The following AKAP13 variants were observed in gnomAD, a reference collection of about 807,000 sequenced individuals.
AKAP13 encodes the protein A-kinase anchoring protein 13.
In AKAP13, 80 loss-of-function variants were observed where a neutral mutation model predicts 264.5. The observed-to-expected ratio is 0.30, with a 90% CI of 0.25 to 0.36. The LOEUF is 0.36. AKAP13 is among the 10% of genes least tolerant of loss of function. The pLI is 1.00. For missense variants in AKAP13, 3,712 were observed against 3,435.2 expected (o/e 1.08, Z -2.01); for synonymous variants, 1,380 against 1,250.2 (o/e 1.10, Z -2.19).
At position 85,442,495 on chromosome 15, in the gene AKAP13, ATATTATATTATATATAAT is replaced by A. The variant is rs1567059623; in HGVS notation, c.-11-43214_-11-43197del. On this transcript the variant is annotated intron_variant, in intron 1 of 36. Transcript: ENST00000394518. Reference sequence around the variant, plus strand: ...ATATATTATATAATATATATAATATATATTATATTATATATAATATATATTATATTATATATAATATAT... The same window carrying A: ...ATATATTATATAATATATATAATATAATATATTATATTATATATAATATAT... 2.6e-3 allele frequency among the ~76,000 whole-genome samples: 277 copies of A among 107,892 alleles called. 3 individuals carry two copies. Among genetic ancestry groups the A allele is most frequent in the South Asian group, 0.023 (91 of 3,894 alleles). 70.8% of individuals were successfully genotyped at this position (107,892 alleles called of 152,430 possible).
intron 1 of AKAP13, among the ~76,000 whole-genome samples, chr15:85,478,458 AT>A (rs1231680054): frequency 2.0e-5 from 3 of 151,906 alleles, no homozygotes; most frequent in Admixed American, 6.6e-5. Context: ...AAGAGTTCTG[AT>A]TTTTTTTCCA....
At chr15:85,670,092 A>G (rs1026843898) in intron 14 of AKAP13, among the ~76,000 whole-genome samples, 8 of 152,150 alleles carry the variant, frequency 5.3e-5, no homozygotes, top group East Asian at 3.8e-4. Context: ...AAATTTTTTT[A>G]TTTTGAAATA....
intron 1 of AKAP13, among the ~76,000 whole-genome samples, chr15:85,413,107 C>G (rs778364799): frequency 1.3e-5 from 2 of 152,192 alleles, no homozygotes; most frequent in Non-Finnish European, 2.9e-5. Context: ...GCACTGTGTC[C>G]GCACTGCTAA....
At chr15:85,683,008 T>G (rs1158223507) in intron 15 of AKAP13, among the ~76,000 whole-genome samples, 1 of 152,218 alleles carries the variant, frequency 6.6e-6, no homozygotes, top group Non-Finnish European at 1.5e-5. Context: ...ATTATTTTTA[T>G]TTAGGTTTTC....
intron 5 of AKAP13, among the ~76,000 whole-genome samples, chr15:85,552,617 G>GT (rs2077996108): frequency 7.4e-6 from 1 of 134,354 alleles, no homozygotes; most frequent in Admixed American, 8.2e-5. Flanking sequence ...ATTTATCATC[G>GT]TTTTTTTGGC....
chr15:85,549,176 G>T (rs1199090939), intron 5 of AKAP13, among the ~76,000 whole-genome samples: 1 of 152,084 alleles, frequency 6.6e-6, no homozygotes, highest in Non-Finnish European at 1.5e-5. Context: ...ATGTAGGTTG[G>T]AAATTATTCC....
intron 29 of AKAP13, among the ~76,000 whole-genome samples, chr15:85,728,878 ATAGT>A (rs767778036): frequency 2.6e-5 from 4 of 151,922 alleles, no homozygotes; most frequent in African/African-American, 4.8e-5. Flanking sequence ...CATGTTGAAG[ATAGT>A]TAGGAGAGTT....
At chr15:85,650,945 G>A (rs568662512) in intron 10 of AKAP13, among the ~76,000 whole-genome samples, 2 of 151,962 alleles carry the variant, frequency 1.3e-5, no homozygotes, top group African/African-American at 4.8e-5. Flanking sequence ...TAAAATGTGA[G>A]CCATTATTTT....
chr15:85,737,748 C>T (rs1371270682), intron 33 of AKAP13, among the ~76,000 whole-genome samples: 3 of 152,114 alleles, frequency 2.0e-5, no homozygotes, highest in Non-Finnish European at 2.9e-5. Context: ...AGCAATTCTC[C>T]TGCCTCGGCC....
chr15:85,392,822 G>C (rs894568452), intron 1 of AKAP13, among the ~76,000 whole-genome samples: 1 of 152,184 alleles, frequency 6.6e-6, no homozygotes, highest in South Asian at 2.1e-4. Flanking sequence ...GTTGCACTGT[G>C]GTGGGCAGAT....
intron 2 of AKAP13, among the ~76,000 whole-genome samples, chr15:85,495,364 A>G (rs1183178240): frequency 6.6e-6 from 1 of 152,218 alleles, no homozygotes; most frequent in Non-Finnish European, 1.5e-5. Flanking sequence ...CTGGCTCTAC[A>G]GAACACTGAC....
chr15:85,416,121 G>T (rs1422916704), intron 1 of AKAP13, among the ~76,000 whole-genome samples: 1 of 152,300 alleles, frequency 6.6e-6, no homozygotes, highest in African/African-American at 2.4e-5. Flanking sequence ...AAAATTTTGA[G>T]AGCATTAAAG....
At chr15:85,429,279 A>G (rs546339154) in intron 1 of AKAP13, among the ~76,000 whole-genome samples, 4 of 152,152 alleles carry the variant, frequency 2.6e-5, no homozygotes, top group Non-Finnish European at 5.9e-5. Context: ...TATTACTTCT[A>G]GCAGTTTTCT....
intron 2 of AKAP13, among the ~76,000 whole-genome samples, chr15:85,500,409 A>G (rs1365911612): frequency 3.3e-5 from 5 of 152,176 alleles, no homozygotes; most frequent in Non-Finnish European, 7.4e-5. Flanking sequence ...TTAAAGTTCT[A>G]GTATGTTGAT....
chr15:85,658,601 C>G lies in AKAP13; in HGVS notation c.4799+11C>G. 6.2e-7 allele frequency: 1 copy of G among 1,611,340 alleles called. No homozygotes were observed. The highest frequency in any genetic ancestry group is 8.5e-7 in the Non-Finnish European group (1 of 1,177,930). On this transcript the variant is annotated intron_variant, in intron 12 of 36. Transcript: ENST00000394518. The stretch of plus-strand genomic sequence containing the variant: ...CATTCATAGGAGAAGGTACAGAGTT[C>G]ATTAACTTGATGGACTAACCATGTC...
chr15:85,470,932 C>T (rs960733828), intron 1 of AKAP13, among the ~76,000 whole-genome samples: 3 of 152,178 alleles, frequency 2.0e-5, no homozygotes, highest in African/African-American at 7.2e-5. Flanking sequence ...TCATTCTTAT[C>T]CTTATTATCT....
intron 1 of AKAP13, among the ~76,000 whole-genome samples, chr15:85,454,237 T>C (rs924323238): frequency 2.6e-5 from 4 of 152,148 alleles, no homozygotes; most frequent in Non-Finnish European, 4.4e-5. Context: ...CCCAAGTATC[T>C]AAGGCTCCAG....
chr15:85,688,406 C>T (rs1469953520), intron 16 of AKAP13, among the ~76,000 whole-genome samples: 1 of 152,112 alleles, frequency 6.6e-6, no homozygotes, highest in Non-Finnish European at 1.5e-5. Context: ...ATCTACCATA[C>T]AATAAAACTA....
chr15:85,598,632 A>G (rs947677626), intron 8 of AKAP13, among the ~76,000 whole-genome samples: 1 of 152,180 alleles, frequency 6.6e-6, no homozygotes, highest in African/African-American at 2.4e-5. Flanking sequence ...GAACGTTGTA[A>G]TAGAAACCAG....
Sources: allele counts gnomAD v4.1 joint callset (sites outside exome capture counted in the v4.1 genomes callset), GRCh38; gene constraint gnomAD v4.1.1; transcripts MANE v1.5; gene names NCBI Gene and HGNC (gene_info 2026-07-23, HGNC 2026-07-21).